Variants in RAB11B observed in about 807,000 individuals in gnomAD.
RAB11B encodes ras-related protein Rab-11B.
RAB11B carries 7 observed loss-of-function variants against 23.7 expected under a neutral mutation model. That is an observed-to-expected ratio of 0.29 (90% CI 0.17 to 0.55). RAB11B has a LOEUF of 0.55. RAB11B is among the 20% of genes least tolerant of loss of function. The probability of loss-of-function intolerance (pLI) is 0.93; values close to 1 mark genes in which losing one functional copy is unlikely to be tolerated. For missense variants in RAB11B, 189 were observed against 320.0 expected, an observed-to-expected ratio of 0.59 and a Z score of 3.12; for synonymous variants, 138 against 132.0, an observed-to-expected ratio of 1.05 and a Z score of -0.31.
chr19:8,391,796 T>A (rs1295146704), intron 1 of RAB11B, among the ~76,000 whole-genome samples: 5 of 151,722 alleles, frequency 3.3e-5, no homozygotes, highest in African/African-American at 1.2e-4. Flanking sequence ...CGTCTTCTGA[T>A]TGTGGGGAAT....
At chr19:8,392,117 G>A (rs780083996) in intron 1 of RAB11B, among the ~76,000 whole-genome samples, 3 of 152,080 alleles carry the variant, frequency 2.0e-5, no homozygotes, top group South Asian at 4.1e-4. Context: ...TCAGCCCACC[G>A]TGAGGCAGCT....
chr19:8,403,499 G>C lies in RAB11B; in HGVS notation c.598G>C (p.Val200Leu). The stretch of plus-strand genomic sequence containing the variant: ...GGGGAACAACGTGGTGGACATCAGC[G>C]TGCCGCCCACCACGGACGGACAGAA... ...SPGNNVVDIS[V>L]PPTTDGQKPN... The change falls in exon 5 of 5, where the codon GTG (valine) becomes CTG (leucine). Residue 200 changes from valine (V) to leucine (L), a missense_variant. Coordinates refer to ENST00000328024, the MANE Select transcript of RAB11B (RefSeq NM_004218.4). The C allele has an allele frequency of 6.2e-7, 1 of 1,614,016 alleles. No homozygotes were observed.
intron 4 of RAB11B, chr19:8,402,894 C>T (rs1215693526): frequency 4.2e-6 from 2 of 478,194 alleles, no homozygotes. Flanking sequence ...AACTCCTGGG[C>T]TCAAGTGATC....
At chr19:8,395,552 C>T (rs912179874) in intron 1 of RAB11B, among the ~76,000 whole-genome samples, 18 of 152,168 alleles carry the variant, frequency 1.2e-4, no homozygotes, top group Admixed American at 5.9e-4. Context: ...CCACTGTACC[C>T]GGCCATCTTT....
Position 8,403,863 on chromosome 19 carries a change from G to A in RAB11B, c.*305G>A, listed in dbSNP as rs924194667. 16 of 322,998 alleles carry A rather than the reference G, an allele frequency of 5.0e-5. No individual in the cohort carries two copies. The highest frequency in any genetic ancestry group is 8.4e-4 in the Middle Eastern group (1 of 1,194). 20.0% of individuals were successfully genotyped at this position (322,998 alleles called of 1,614,324 possible). On this transcript the variant is annotated 3_prime_UTR_variant, in exon 5 of 5. Transcript: ENST00000328024. ...GCGAGGAGGACGGGCGGACGGCGCC[G>A]CCTTCTCCCCTTTTCCTTGGCCGAC...
chr19:8,390,968 G>A (rs1441590926), intron 1 of RAB11B, among the ~76,000 whole-genome samples: 1 of 151,296 alleles, frequency 6.6e-6, no homozygotes, highest in African/African-American at 2.4e-5. Flanking sequence ...GGCGGGGCAG[G>A]CAATGGGGGC....
intron 1 of RAB11B, among the ~76,000 whole-genome samples, chr19:8,394,807 A>C (rs778137193): frequency 6.6e-6 from 1 of 152,202 alleles, no homozygotes; most frequent in East Asian, 1.9e-4. Context: ...GTGCACGCCT[A>C]TAATCCCGGC....
rs1361774843 is a variant in RAB11B, at chr19:8,403,780, T to TC, written c.*226dup. Reference sequence around the variant, plus strand: ...GTTTGCTGCACCCATGAAACTCGGGTCCCCACAGCGTCTTGGCGGGGTGGG... The same window carrying TC: ...GTTTGCTGCACCCATGAAACTCGGGTCCCCCACAGCGTCTTGGCGGGGTGGG... On this transcript the variant is annotated 3_prime_UTR_variant, in exon 5 of 5. Coordinates refer to ENST00000328024, the MANE Select transcript of RAB11B (RefSeq NM_004218.4). 3.4e-6 allele frequency: 2 copies of TC among 591,796 alleles called. No individual in the cohort carries two copies. Among genetic ancestry groups the TC allele is most frequent in the Non-Finnish European group, 5.5e-6 (2 of 365,086 alleles). The allele number at this position is 591,796 out of a possible 1,614,324, so 36.7% of individuals were successfully genotyped here.
intron 1 of RAB11B, among the ~76,000 whole-genome samples, chr19:8,398,340 C>T (rs1971412108): frequency 6.6e-6 from 1 of 152,260 alleles, no homozygotes. Context: ...GCGCTGACTC[C>T]TTTCTGGGCC....
intron 1 of RAB11B, among the ~76,000 whole-genome samples, chr19:8,393,698 G>T (rs1329773104): frequency 6.6e-6 from 1 of 151,582 alleles, no homozygotes; most frequent in East Asian, 1.9e-4. Context: ...GGTCCCTGGG[G>T]CCTAGGATGC....
At position 8,403,604 on chromosome 19, in the gene RAB11B, C is replaced by A; in HGVS notation, c.*46C>A. The A allele has an allele frequency of 1.3e-6, 2 of 1,574,470 alleles. No homozygotes were observed. The highest frequency in any genetic ancestry group is 2.3e-5 in the South Asian group (2 of 86,148). ...GTGCGTGCACGTCCTCCGCCCGCCC[C>A]CGCCACGGTATCCTCTGGCCCCTCC... On this transcript the variant is annotated 3_prime_UTR_variant, in exon 5 of 5. Transcript: ENST00000328024.
At chr19:8,402,346 GGCCCTGGCCACA>G in intron 3 of RAB11B, 67 bp downstream of exon 3, 5 of 1,528,638 alleles carry the variant, frequency 3.3e-6, no homozygotes, top group Non-Finnish European at 4.4e-6. Flanking sequence ...ACAGTGTTGG[GGCCCTGGCCACA>G]GCCCTGGCTT....
intron 1 of RAB11B, among the ~76,000 whole-genome samples, chr19:8,391,509 T>G (rs1971353072): frequency 6.6e-6 from 1 of 152,224 alleles, no homozygotes; most frequent in Non-Finnish European, 1.5e-5. Flanking sequence ...TAGGGACAGC[T>G]GGAGGAAGCC....
At chr19:8,398,821 G>C (rs892491264) in intron 1 of RAB11B, among the ~76,000 whole-genome samples, 1 of 152,094 alleles carries the variant, frequency 6.6e-6, no homozygotes, top group African/African-American at 2.4e-5. Context: ...AATCTCTGTT[G>C]CCTAGGCTGG....
intron 1 of RAB11B, among the ~76,000 whole-genome samples, chr19:8,395,154 C>T (rs183538055): frequency 3.3e-5 from 5 of 151,722 alleles, no homozygotes; most frequent in Non-Finnish European, 5.9e-5. Context: ...AGATGGGGGC[C>T]CTCACAGTGA....
chr19:8,403,311 G>C, intron 4 of RAB11B, 102 bp from the exon 5 acceptor site: 2 of 1,427,180 alleles, frequency 1.4e-6, no homozygotes, highest in South Asian at 2.6e-5. Flanking sequence ...GGGGCGCTGT[G>C]GGGGTCTGGA....
intron 1 of RAB11B, among the ~76,000 whole-genome samples, chr19:8,398,141 A>G (rs1971410674): frequency 6.6e-6 from 1 of 152,240 alleles, no homozygotes; most frequent in South Asian, 2.1e-4. Context: ...TGGCTGGGAC[A>G]GGAAACAGTT....
rs565585835 is a variant in RAB11B at position 8,391,140 on chromosome 19, G to A, written c.40+684G>A. Among the ~76,000 whole-genome samples the A allele has an allele frequency of 6.5e-4, 99 of 152,300 alleles. 1 individual carries two copies. The highest frequency in any genetic ancestry group is 2.1e-3 in the African/African-American group (89 of 41,566). ...GCTAAGCCAGTACTTGCACTTTTCT[G>A]AGCACTTTACCCGAATTAACTAAAA... On this transcript the variant is annotated intron_variant, in intron 1 of 4. Coordinates refer to ENST00000328024, the MANE Select transcript of RAB11B (RefSeq NM_004218.4).
At chr19:8,392,607 C>T (rs754750271) in intron 1 of RAB11B, among the ~76,000 whole-genome samples, 10 of 151,850 alleles carry the variant, frequency 6.6e-5, no homozygotes, top group African/African-American at 1.7e-4. Context: ...GGTCATCTGC[C>T]GTCTCACCTT....
Sources: gnomAD v4.1 joint callset for allele counts (sites outside exome capture counted in the v4.1 genomes callset) on GRCh38, gnomAD v4.1.1 for gene constraint, MANE v1.5 for transcripts, NCBI Gene and HGNC (gene_info 2026-07-23, HGNC 2026-07-21) for gene names.